Variants in CCSER1 observed in about 807,000 individuals in gnomAD.
CCSER1 encodes coiled-coil serine rich protein 1.
A neutral mutation model predicts 82.0 loss-of-function variants in CCSER1; 41 were observed. The ratio of observed to expected loss-of-function variants is 0.50; its 90% CI spans 0.39 to 0.65. The LOEUF is 0.65. Ranked by LOEUF, CCSER1 falls within the 30% of genes least tolerant of loss-of-function variation. The pLI is 0.00. For missense variants in CCSER1, 1,119 were observed against 1,064.2 expected (o/e 1.05, Z -0.72); for synonymous variants, 414 against 383.9 (o/e 1.08, Z -0.92).
chr4:90,266,666 A>T (rs1305694162), intron 1 of CCSER1, among the ~76,000 whole-genome samples: 1 of 151,900 alleles, frequency 6.6e-6, no homozygotes, highest in African/African-American at 2.4e-5. Flanking sequence ...CTTCTGGGGG[A>T]GGGAGAGTGA....
chr4:90,304,036 C>T (rs1156308715), intron 1 of CCSER1, among the ~76,000 whole-genome samples: 1 of 152,134 alleles, frequency 6.6e-6, no homozygotes, highest in Non-Finnish European at 1.5e-5. Flanking sequence ...AGCCAAAAAA[C>T]ACATGAAAAA....
At chr4:90,493,875 C>T (rs967862264) in intron 5 of CCSER1, among the ~76,000 whole-genome samples, 26 of 152,102 alleles carry the variant, frequency 1.7e-4, no homozygotes, top group South Asian at 4.2e-4. Context: ...CAAAATAATC[C>T]GCTAACATCA....
At chr4:91,177,972 A>G (rs1044806948) in intron 10 of CCSER1, among the ~76,000 whole-genome samples, 1 of 152,116 alleles carries the variant, frequency 6.6e-6, no homozygotes, top group African/African-American at 2.4e-5. Flanking sequence ...CCCTCTACAT[A>G]CCGCTTTAAA....
chr4:91,576,469 C>G (rs1763456666), intron 10 of CCSER1, among the ~76,000 whole-genome samples: 1 of 151,882 alleles, frequency 6.6e-6, no homozygotes, highest in African/African-American at 2.4e-5. Context: ...TTCTGGAGAC[C>G]TAATGCATAC....
intron 9 of CCSER1, among the ~76,000 whole-genome samples, chr4:91,062,467 A>G (rs1744041410): frequency 6.6e-6 from 1 of 152,062 alleles, no homozygotes; most frequent in South Asian, 2.1e-4. Flanking sequence ...GGCTTCTCAG[A>G]CTATGTCTGT....
At chr4:91,149,601 T>C (rs1476836328) in intron 10 of CCSER1, among the ~76,000 whole-genome samples, 1 of 152,342 alleles carries the variant, frequency 6.6e-6, no homozygotes, top group East Asian at 1.9e-4. Flanking sequence ...CTAGAGTTTT[T>C]ATCGTTTTAG....
chr4:90,673,017 A>G (rs1733099730), intron 6 of CCSER1, among the ~76,000 whole-genome samples: 1 of 151,970 alleles, frequency 6.6e-6, no homozygotes, highest in Admixed American at 6.6e-5. Context: ...TATAATAATA[A>G]TTTTAAAACT....
At chr4:90,455,867 G>T (rs569572015) in intron 4 of CCSER1, among the ~76,000 whole-genome samples, 5 of 152,242 alleles carry the variant, frequency 3.3e-5, no homozygotes, top group Admixed American at 1.3e-4. Context: ...CCTGCGCCGT[G>T]CCCCCTAAAC....
At chr4:91,102,882 A>G (rs912400093) in intron 10 of CCSER1, among the ~76,000 whole-genome samples, 1 of 152,220 alleles carries the variant, frequency 6.6e-6, no homozygotes, top group Non-Finnish European at 1.5e-5. Context: ...CTTCTTAATT[A>G]CAAATAGAAG....
At chr4:91,546,517 A>T (rs1216163720) in intron 10 of CCSER1, among the ~76,000 whole-genome samples, 2 of 152,122 alleles carry the variant, frequency 1.3e-5, no homozygotes, top group East Asian at 3.8e-4. Flanking sequence ...GTTATCAAAT[A>T]TGTAGGCACA....
intron 10 of CCSER1, among the ~76,000 whole-genome samples, chr4:91,370,636 C>T (rs1279836791): frequency 6.6e-6 from 1 of 151,336 alleles, no homozygotes; most frequent in African/African-American, 2.4e-5. Flanking sequence ...GCCGAGGTTG[C>T]AGTGAGCCGA....
At chr4:90,393,811 C>T (rs1751559095) in intron 3 of CCSER1, among the ~76,000 whole-genome samples, 6 of 133,166 alleles carry the variant, frequency 4.5e-5, no homozygotes, top group Admixed American at 2.4e-4. Context: ...GGACCTTGCT[C>T]CATCGCCCAT....
intron 10 of CCSER1, among the ~76,000 whole-genome samples, chr4:91,388,999 A>G (rs1751484289): frequency 6.6e-6 from 1 of 152,058 alleles, no homozygotes; most frequent in Non-Finnish European, 1.5e-5. Flanking sequence ...TTTATCAGAT[A>G]TGCCTTTTAC....
intron 10 of CCSER1, among the ~76,000 whole-genome samples, chr4:91,498,573 G>C (rs959655652): frequency 6.6e-6 from 1 of 150,954 alleles, no homozygotes; most frequent in Non-Finnish European, 1.5e-5. Flanking sequence ...TAATTTTCCT[G>C]GAGGATTAAA....
intron 3 of CCSER1, among the ~76,000 whole-genome samples, chr4:90,344,462 G>A (rs1414148969): frequency 6.6e-6 from 1 of 152,048 alleles, no homozygotes; most frequent in African/African-American, 2.4e-5. Context: ...CATCATAAAT[G>A]TAGAGACTGT....
intron 10 of CCSER1, among the ~76,000 whole-genome samples, chr4:91,340,324 C>T (rs1747627490): frequency 6.6e-6 from 1 of 152,156 alleles, no homozygotes; most frequent in Admixed American, 6.5e-5. Context: ...TTACTGTCTA[C>T]ACCAACAAAT....
intron 1 of CCSER1, among the ~76,000 whole-genome samples, chr4:90,235,858 G>C (rs1457227511): frequency 1.3e-5 from 2 of 152,140 alleles, no homozygotes; most frequent in Non-Finnish European, 2.9e-5. Flanking sequence ...CCCTAACTCA[G>C]AAGAAGGGCA....
intron 8 of CCSER1, among the ~76,000 whole-genome samples, chr4:90,918,638 G>GAT (rs776306296): frequency 5.4e-4 from 80 of 149,132 alleles, no homozygotes; most frequent in Admixed American, 1.6e-3. Context: ...ATTCAAGAGA[G>GAT]ATATATATAT....
intron 3 of CCSER1, among the ~76,000 whole-genome samples, chr4:90,355,287 TAAAA>T (rs1329896595): frequency 2.0e-5 from 3 of 151,358 alleles, no homozygotes; most frequent in Non-Finnish European, 4.4e-5. Flanking sequence ...TATATTATAG[TAAAA>T]GAAAGAAAGA....
Sources: gnomAD v4.1 joint callset for allele counts (sites outside exome capture counted in the v4.1 genomes callset) on GRCh38, gnomAD v4.1.1 for gene constraint, MANE v1.5 for transcripts, NCBI Gene and HGNC (gene_info 2026-07-23, HGNC 2026-07-21) for gene names.